The following APOB variants were observed in gnomAD, a reference collection of about 807,000 sequenced individuals.
The protein encoded by APOB is apolipoprotein B-100.
Under a neutral mutation model 314.1 loss-of-function variants are expected in APOB, and 153 were observed. The ratio of observed to expected loss-of-function variants is 0.49; its 90% confidence interval spans 0.43 to 0.56. APOB has a LOEUF of 0.56. Among genes scored for constraint, APOB ranks in the 20% least tolerant of loss-of-function variants. The pLI is 0.00. For synonymous variants in APOB, 2,087 were observed against 2,036.4 expected (o/e 1.02, Z -0.67); for missense variants, 5,430 against 5,350.7 (o/e 1.01, Z -0.46).
At chr2:21,034,428 T>G (rs964442617) in intron 8 of APOB, among the ~76,000 whole-genome samples, 1 of 152,100 alleles carries the variant, frequency 6.6e-6, no homozygotes, top group South Asian at 2.1e-4. Context: ...ATTGTTAGAG[T>G]TCCTTCTACC....
At position 21,013,274 on chromosome 2, in the gene APOB, T is replaced by A. The variant is rs759323062; in HGVS notation, c.4102A>T (p.Asn1368Tyr). The A allele has an allele frequency of 6.2e-7, 1 of 1,614,222 alleles. No homozygotes were observed. The highest frequency in any genetic ancestry group is 1.1e-5 in the South Asian group (1 of 91,086). ...CCACCACTGTAGGAGGCGGACCAGT[T>A]GTACAAGTTGCTGTAGACATTCGTG... Reference protein sequence around the residue: ...LSTNVYSNLYNWSASYSGGNT... With the variant: ...LSTNVYSNLYYWSASYSGGNT... The change falls in exon 25 of 29, where the codon AAC becomes TAC. Residue 1368 changes from asparagine to tyrosine, a missense_variant. Around this residue, in one of 3 missense-constraint regions of APOB, gnomAD observed 2,085 missense variants for 2,079.7 expected, o/e 1.00. Transcript: ENST00000233242.
At position 21,008,019 on chromosome 2, in the gene APOB, A is replaced by C; in HGVS notation, c.8849T>G (p.Ile2950Arg). Residue 2950 changes from isoleucine (I) to arginine (R), a missense_variant, in exon 26 of 29, where the codon ATA becomes AGA. Coordinates refer to ENST00000233242, the MANE Select transcript of APOB (RefSeq NM_000384.3). ...TCCAAAGGAAGTGAGGGGTCCTTCT[A>C]TGGTGAAACTAATTTGTGATTCATG... Reference protein sequence around the residue: ...GTHESQISFTIEGPLTSFGLS... With the variant: ...GTHESQISFTREGPLTSFGLS... The C allele has an allele frequency of 6.2e-7, 1 of 1,614,044 alleles. No homozygotes were observed. The highest frequency in any genetic ancestry group is 8.5e-7 in the Non-Finnish European group (1 of 1,179,928).
Position 21,011,318 on chromosome 2 carries a change from G to C in APOB, c.5550C>G (p.Ser1850Arg). Reference sequence around the variant, plus strand: ...CCTTAGCAACAGTGTCTGCTTTATAGCTTGCTGATAAGGCAGCAGAAGAGA... The same window carrying C: ...CCTTAGCAACAGTGTCTGCTTTATACCTTGCTGATAAGGCAGCAGAAGAGA... ...YAISSAALSA[S>R]YKADTVAKVQ... The change falls in exon 26 of 29, where the codon AGC becomes AGG. Residue 1850 changes from serine (S) to arginine (R), a missense_variant. By Grantham distance (110) the Ser-to-Arg change is moderately radical. This residue lies in a region of APOB where 3,281 missense variants were observed against 3,171.0 expected (regional missense o/e 1.03). Coordinates refer to ENST00000233242, the MANE Select transcript of APOB (RefSeq NM_000384.3). 1 of 1,614,176 alleles carries C rather than the reference G, an allele frequency of 6.2e-7. No homozygotes were observed. The highest frequency in any genetic ancestry group is 1.1e-5 in the South Asian group (1 of 91,084).
rs759678346 is a variant in APOB at position 21,023,671 on chromosome 2, C to G, written c.2458G>C (p.Gly820Arg). 1 of 1,612,024 alleles carries G rather than the reference C, an allele frequency of 6.2e-7. No individual in the cohort carries two copies. Residue 820 changes from glycine to arginine, a missense_variant, in exon 17 of 29, where the codon GGC (glycine) becomes CGC (arginine). Coordinates refer to ENST00000233242, the MANE Select transcript of APOB (RefSeq NM_000384.3). ...PQMIGEVIRKGSKNDFFLHYI... is the reference protein window; with the variant it reads ...PQMIGEVIRKRSKNDFFLHYI... Reference sequence around the variant, plus strand: ...TGAAGAAAAAAGTCATTCTTTGAGCCCTTCCTGATGACCTCTCCAATCTGT... The same window carrying G: ...TGAAGAAAAAAGTCATTCTTTGAGCGCTTCCTGATGACCTCTCCAATCTGT...
Position 21,030,000 on chromosome 2 carries a change from G to A in APOB, c.1368C>T (p.Asn456=). ...CCAGCAGCTCCTGGGTCCCTGTAGGGTTTGTCTTATGATAGCTACAGAATA... is the reference window on the plus strand; with the variant it reads ...CCAGCAGCTCCTGGGTCCCTGTAGGATTTGTCTTATGATAGCTACAGAATA... The part of the protein sequence containing the change: ...SHAVNNYHKT[N]PTGTQELLDI... Residue 456 remains asparagine, a synonymous_variant, in exon 11 of 29, where the codon AAC becomes AAT. Coordinates refer to ENST00000233242, the MANE Select transcript of APOB (RefSeq NM_000384.3). The A allele has an allele frequency of 1.2e-6, 2 of 1,611,726 alleles. No individual in the cohort carries two copies. The highest frequency in any genetic ancestry group is 1.7e-6 in the Non-Finnish European group (2 of 1,177,830).
chr2:21,041,119 T>C (rs1664122997), intron 3 of APOB, 36 bp from the exon 4 acceptor site: 4 of 1,602,774 alleles, frequency 2.5e-6, no homozygotes, highest in South Asian at 2.2e-5. Flanking sequence ...TGAGGTTGTC[T>C]ATCAAGAATG....
intron 21 of APOB, 59 bp from the exon 22 acceptor site, chr2:21,015,604 G>A: frequency 6.4e-7 from 1 of 1,561,132 alleles, no homozygotes; most frequent in Non-Finnish European, 8.7e-7. Context: ...GAGATATGCA[G>A]GATTAAACAG....
chr2:21,011,385 T>G lies in APOB; in HGVS notation c.5483A>C (p.Lys1828Thr). Residue 1828 changes from lysine (K) to threonine (T), a missense_variant, in exon 26 of 29, where the codon AAA becomes ACA. Lys to Thr is a moderately conservative substitution (Grantham distance 78, BLOSUM62 -1). This residue lies in a region of APOB where 64 missense variants were observed against 99.9 expected (regional missense o/e 0.64). Transcript: ENST00000233242. The part of the protein sequence containing the change: ...PLKLHVAGNL[K>T]GAYQNNEIKH... ...TATTTCATTATTTTGGTAGGCTCCT[T>G]TTAGGTTACCAGCCACATGCAGCTT... 1 of 1,614,128 alleles carries G rather than the reference T, an allele frequency of 6.2e-7. No homozygotes were observed. Among genetic ancestry groups the G allele is most frequent in the Non-Finnish European group, 8.5e-7 (1 of 1,180,014 alleles).
chr2:21,027,869 T>C lies in APOB; in HGVS notation c.2026A>G (p.Thr676Ala). The C allele has an allele frequency of 6.2e-7, 1 of 1,614,048 alleles. No individual in the cohort carries two copies. Among genetic ancestry groups the C allele is most frequent in the South Asian group, 1.1e-5 (1 of 91,052 alleles). The change falls in exon 14 of 29, where the codon ACC (threonine) becomes GCC (alanine). Residue 676 changes from threonine (T) to alanine (A), a missense_variant. Around this residue, in one of 3 missense-constraint regions of APOB, gnomAD observed 2,085 missense variants for 2,079.7 expected, o/e 1.00. Coordinates refer to ENST00000233242, the MANE Select transcript of APOB (RefSeq NM_000384.3). ...GAAGCAAATCCAAAGGCAGTGAGGG[T>C]AGTTTTCAGCATGCTTTCTTTAGGA... ...YLPKESMLKTTLTAFGFASAD... is the reference protein window; with the variant it reads ...YLPKESMLKTALTAFGFASAD...
rs748849856 is a variant in APOB, at chr2:21,007,584, T to C, written c.9284A>G (p.Gln3095Arg). ...ASWQVSARFN[Q>R]YKYNQNFSAG... is the part of the protein sequence containing the mutation. Reference sequence around the variant, plus strand: ...AGAGAAATTTTGGTTGTACTTATACTGATTGAACCTAGCACTTACTTGCCA... The same window carrying C: ...AGAGAAATTTTGGTTGTACTTATACCGATTGAACCTAGCACTTACTTGCCA... Residue 3095 changes from glutamine (Q) to arginine (R), a missense_variant, in exon 26 of 29, where the codon CAG becomes CGG. Transcript: ENST00000233242. The C allele has an allele frequency of 1.2e-6, 2 of 1,614,122 alleles. No homozygotes were observed. The highest frequency in any genetic ancestry group is 4.5e-5 in the East Asian group (2 of 44,878).
At chr2:21,043,818 G>A in intron 1 of APOB, 46 bp downstream of exon 1, 1 of 1,529,886 alleles carries the variant, frequency 6.5e-7, no homozygotes, top group Non-Finnish European at 8.7e-7. Context: ...CGTGCCGCCG[G>A]CTCCCTCCCG....
chr2:21,009,981 A>T lies in APOB; in HGVS notation c.6887T>A (p.Val2296Glu). The T allele has an allele frequency of 6.2e-7, 1 of 1,613,760 alleles. No homozygotes were observed. The highest frequency in any genetic ancestry group is 8.5e-7 in the Non-Finnish European group (1 of 1,179,892). ...TGTAGTTCCCAATTGATCTAAAAGC[A>T]CTCTAACATCAATAGCCTCAATGTG... ...KQHIEAIDVRVLLDQLGTTIS... is the reference protein window; with the variant it reads ...KQHIEAIDVRELLDQLGTTIS... Residue 2296 changes from valine to glutamate, a missense_variant, in exon 26 of 29, where the codon GTG (valine) becomes GAG (glutamate). Val to Glu is a moderately radical substitution (Grantham distance 121, BLOSUM62 -2). Around this residue, in one of 3 missense-constraint regions of APOB, gnomAD observed 3,281 missense variants for 3,171.0 expected, o/e 1.03. Transcript: ENST00000233242.
chr2:21,021,789 T>C (rs1663612142), intron 18 of APOB, among the ~76,000 whole-genome samples: 1 of 152,244 alleles, frequency 6.6e-6, no homozygotes, highest in Non-Finnish European at 1.5e-5. Flanking sequence ...ACAGGCTACA[T>C]GATATAAAAT....
intron 10 of APOB, among the ~76,000 whole-genome samples, chr2:21,030,606 A>T (rs1334742255): frequency 6.6e-6 from 1 of 152,210 alleles, no homozygotes; most frequent in Non-Finnish European, 1.5e-5. Flanking sequence ...GACAAATAGA[A>T]CTTAATTAAA....
chr2:21,008,539 T>A lies in APOB; in HGVS notation c.8329A>T (p.Ile2777Leu). Residue 2777 changes from isoleucine (I) to leucine (L), a missense_variant, in exon 26 of 29, where the codon ATA becomes TTA. Transcript: ENST00000233242. ...PLFTLDANAD[I>L]GNGTTSANEA... The stretch of plus-strand genomic sequence containing the variant: ...TTTGCTGAGGTGGTTCCATTCCCTA[T>A]GTCAGCATTTGCATCTAATGTGAAA... The A allele has an allele frequency of 6.2e-7, 1 of 1,614,160 alleles. No individual in the cohort carries two copies. Among genetic ancestry groups the A allele is most frequent in the East Asian group, 2.2e-5 (1 of 44,884 alleles).
At position 21,014,462 on chromosome 2, in the gene APOB, G is replaced by T. The variant is rs199966747; in HGVS notation, c.3828C>A (p.Asn1276Lys). 39 of 1,613,950 alleles carry T rather than the reference G, an allele frequency of 2.4e-5. No homozygotes were observed. The highest frequency in any genetic ancestry group is 1.7e-5 in the Admixed American group (1 of 59,996). Residue 1276 changes from asparagine to lysine, a missense_variant, in exon 24 of 29, where the codon AAC (asparagine) becomes AAA (lysine). Transcript: ENST00000233242. ...TCTTCTTTTACCTTTTTAAGAAGAG[G>T]TTTTCTGGGATGTGGAAGTCTGGCA... Reference protein sequence around the residue: ...MGLPDFHIPENLFLKSDGRVK... With the variant: ...MGLPDFHIPEKLFLKSDGRVK...
rs771332891 is a variant in APOB at position 21,013,390 on chromosome 2, T to C, written c.3986A>G (p.His1329Arg). The C allele has an allele frequency of 5.0e-6, 8 of 1,614,196 alleles. No individual in the cohort carries two copies. The East Asian group carries it at 1.1e-4, about 22-fold the overall frequency. The change falls in exon 25 of 29, where the codon CAT (histidine) becomes CGT (arginine). Residue 1329 changes from histidine (H) to arginine (R), a missense_variant. By Grantham distance (29) the His-to-Arg change is conservative. Around this residue, in one of 3 missense-constraint regions of APOB, gnomAD observed 2,085 missense variants for 2,079.7 expected, o/e 1.00. Coordinates refer to ENST00000233242, the MANE Select transcript of APOB (RefSeq NM_000384.3). ...PALHFKSVGF[H>R]LPSREFQVPT... ...GACTTGGAACTCTCGAGATGGCAGA[T>C]GGAATCCCACAGACTTGAAGTGGAG...
In APOB at chr2:21,027,852, T is replaced by G. The variant is rs1663772982; in HGVS notation, c.2043A>C (p.Gly681=). 2 of 1,613,780 alleles carry G rather than the reference T, an allele frequency of 1.2e-6. No individual in the cohort carries two copies. The highest frequency in any genetic ancestry group is 2.7e-5 in the African/African-American group (2 of 74,886). The change falls in exon 14 of 29, where the codon GGA becomes GGC. Residue 681 remains glycine (G), a synonymous_variant. Coordinates refer to ENST00000233242, the MANE Select transcript of APOB (RefSeq NM_000384.3). ...SMLKTTLTAF[G]FASADLIEIG... ...CCTCGATGAGGTCAGCTGAAGCAAA[T>G]CCAAAGGCAGTGAGGGTAGTTTTCA...
In APOB at chr2:21,022,824, G is replaced by A; in HGVS notation, c.2816+7C>T. 1 of 1,613,820 alleles carries A rather than the reference G, an allele frequency of 6.2e-7. No homozygotes were observed. The highest frequency in any genetic ancestry group is 8.5e-7 in the Non-Finnish European group (1 of 1,179,808). On this transcript the variant is annotated splice_region_variant and intron_variant, in intron 18 of 28. Coordinates refer to ENST00000233242, the MANE Select transcript of APOB (RefSeq NM_000384.3). The stretch of plus-strand genomic sequence containing the variant: ...ACTGGCTAGGCAGACTTGGCTGAAA[G>A]AATTACCCTCCACTGAGCAGCTTGA...
Sources: gnomAD v4.1 joint callset for allele counts (sites outside exome capture counted in the v4.1 genomes callset) on GRCh38, gnomAD v4.1.1 for gene constraint, gnomAD v4.1.1 regional missense constraint, MANE v1.5 for transcripts, NCBI Gene and HGNC (gene_info 2026-07-23, HGNC 2026-07-21) for gene names.